WHRN: variants seen among roughly 807,000 people sequenced by gnomAD.
WHRN encodes CASK-interacting protein CIP98.
WHRN carries 41 observed loss-of-function variants against 68.3 expected under a neutral mutation model. That is an observed-to-expected ratio of 0.60 (90% CI 0.47 to 0.78). WHRN has a LOEUF of 0.78. Ranked by LOEUF, WHRN falls within the 30% of genes least tolerant of loss-of-function variation. The pLI is 0.00. For missense variants in WHRN, 1,243 were observed against 1,244.7 expected, an observed-to-expected ratio of 1.00 and a Z score of 0.02; for synonymous variants, 560 against 561.3, an observed-to-expected ratio of 1.00 and a Z score of 0.03.
intron 3 of WHRN, among the ~76,000 whole-genome samples, chr9:114,438,900 T>C (rs758803097): frequency 3.9e-5 from 6 of 152,144 alleles, no homozygotes; most frequent in Non-Finnish European, 5.9e-5. Context: ...AACGGTTGGA[T>C]AACGTATGGT....
At chr9:114,460,626 C>A (rs1018203564) in intron 3 of WHRN, among the ~76,000 whole-genome samples, 1 of 152,136 alleles carries the variant, frequency 6.6e-6, no homozygotes, top group Non-Finnish European at 1.5e-5. Flanking sequence ...GGGAAGGTGC[C>A]AAGTTCCATG....
intron 4 of WHRN, chr9:114,425,965 G>A (rs570126936): frequency 1.7e-5 from 10 of 585,204 alleles, no homozygotes; most frequent in Non-Finnish European, 3.1e-5. Context: ...TATAGAATGA[G>A]TTAAGTAATT....
At chr9:114,456,299 G>A (rs1839789826) in intron 3 of WHRN, among the ~76,000 whole-genome samples, 3 of 152,178 alleles carry the variant, frequency 2.0e-5, no homozygotes, top group African/African-American at 2.4e-5. Context: ...ATGTGTATGG[G>A]AGGGGGCACG....
rs752659496 is a variant in WHRN, at chr9:114,423,343, C to T, written c.1597G>A (p.Gly533Ser). Reference protein sequence around the residue: ...SDTGSSTGSHGTSTTVSSARN... With the variant: ...SDTGSSTGSHSTSTTVSSARN... ...GCCGAGCTGACGGTGGTGGAGGTGC[C>T]GTGGCTGCCTGTGGATGAACCCGTG... The change falls in exon 7 of 12, where the codon GGC (glycine) becomes AGC (serine). Residue 533 changes from glycine (G) to serine (S), a missense_variant. Coordinates refer to ENST00000362057, the MANE Select transcript of WHRN (RefSeq NM_015404.4). 3.6e-5 allele frequency: 58 copies of T among 1,613,938 alleles called. No individual in the cohort carries two copies. Among genetic ancestry groups the T allele is most frequent in the South Asian group, 8.8e-5 (8 of 91,080 alleles).
At chr9:114,402,980 C>T (rs1468892874) in intron 11 of WHRN, 44 bp from the exon 12 acceptor site, 2 of 1,583,706 alleles carry the variant, frequency 1.3e-6, no homozygotes, top group East Asian at 2.3e-5. Context: ...AAGGGTTAGA[C>T]AGGCCTGGCT....
chr9:114,426,511 TG>T, intron 3 of WHRN, 98 bp from the exon 4 acceptor site: 1 of 1,408,332 alleles, frequency 7.1e-7, no homozygotes, highest in Non-Finnish European at 1.0e-6. Flanking sequence ...TGGGCCAGCC[TG>T]TCAAGGAGGT....
intron 1 of WHRN, among the ~76,000 whole-genome samples, chr9:114,493,319 C>T (rs1341590550): frequency 7.3e-6 from 1 of 136,510 alleles, no homozygotes; most frequent in African/African-American, 2.8e-5. Context: ...CCACTGCACT[C>T]CAGCCTGGCC....
chr9:114,405,188 C>T (rs978954594), intron 9 of WHRN, among the ~76,000 whole-genome samples: 1 of 151,328 alleles, frequency 6.6e-6, no homozygotes, highest in African/African-American at 2.4e-5. Context: ...GGTCCTCCCA[C>T]CTCAGCCTTC....
chr9:114,436,230 G>A (rs548646154), intron 3 of WHRN, among the ~76,000 whole-genome samples: 107 of 152,332 alleles, frequency 7.0e-4, no homozygotes, highest in African/African-American at 2.1e-3. Flanking sequence ...AGGGAAGGAT[G>A]AGAAGTAGAG....
chr9:114,452,945 C>T (rs552086087), intron 3 of WHRN, among the ~76,000 whole-genome samples: 14 of 152,340 alleles, frequency 9.2e-5, no homozygotes, highest in African/African-American at 3.4e-4. Flanking sequence ...GCTTTGTCTG[C>T]TGATTCCATC....
chr9:114,405,469 A>C (rs1834962190), intron 9 of WHRN, among the ~76,000 whole-genome samples: 1 of 152,212 alleles, frequency 6.6e-6, no homozygotes, highest in African/African-American at 2.4e-5. Flanking sequence ...GGATTAAATG[A>C]GTTAATACTA....
chr9:114,417,856 C>T (rs1835930151), intron 7 of WHRN, among the ~76,000 whole-genome samples: 1 of 152,192 alleles, frequency 6.6e-6, no homozygotes, highest in African/African-American at 2.4e-5. Flanking sequence ...CTGTGCCTCC[C>T]CCAAATATTT....
chr9:114,459,428 A>T (rs938803873), intron 3 of WHRN, among the ~76,000 whole-genome samples: 1 of 151,434 alleles, frequency 6.6e-6, no homozygotes, highest in African/African-American at 2.4e-5. Flanking sequence ...ATGCCACTAC[A>T]CTCCAGCCTG....
intron 1 of WHRN, among the ~76,000 whole-genome samples, chr9:114,487,605 T>C (rs1279660995): frequency 1.3e-5 from 2 of 152,194 alleles, no homozygotes; most frequent in African/African-American, 2.4e-5. Context: ...ATGAACATCC[T>C]TGTATGTGCC....
chr9:114,406,143 AG>A (rs1203615778), intron 9 of WHRN, among the ~76,000 whole-genome samples: 1 of 152,244 alleles, frequency 6.6e-6, no homozygotes, highest in African/African-American at 2.4e-5. Context: ...TGATGGGGAA[AG>A]CAAGGTGTAG....
chr9:114,426,625 C>T (rs1836890170), intron 3 of WHRN, among the ~76,000 whole-genome samples: 1 of 152,166 alleles, frequency 6.6e-6, no homozygotes, highest in Admixed American at 6.5e-5. Flanking sequence ...CTCTTGTCAT[C>T]AAAAGGGGGC....
In WHRN at chr9:114,404,087, G is replaced by A. The variant is rs200131193; in HGVS notation, c.2237-10C>T. On this transcript the variant is annotated splice_polypyrimidine_tract_variant and intron_variant, in intron 9 of 11. Transcript: ENST00000362057. ...GAGAGCGTAGAGGCTGCTGGAGAGGGGAAAAGGAAGAGAGAAGCAGCTTAT... is the reference window on the plus strand; with the variant it reads ...GAGAGCGTAGAGGCTGCTGGAGAGGAGAAAAGGAAGAGAGAAGCAGCTTAT... 2.5e-6 allele frequency: 4 copies of A among 1,611,878 alleles called. No homozygotes were observed. The Middle Eastern group carries it at 4.9e-4, about 199-fold the overall frequency.
At chr9:114,451,610 C>T (rs940215789) in intron 3 of WHRN, among the ~76,000 whole-genome samples, 1 of 152,038 alleles carries the variant, frequency 6.6e-6, no homozygotes, top group Admixed American at 6.5e-5. Flanking sequence ...TCGCTCCTCC[C>T]TAATTTTCAC....
intron 3 of WHRN, among the ~76,000 whole-genome samples, chr9:114,457,885 C>A (rs1839938086): frequency 6.7e-6 from 1 of 148,500 alleles, no homozygotes. Context: ...CGCTGCACTC[C>A]AGCCTGGGCA....
Sources: gnomAD v4.1 joint callset for allele counts (sites outside exome capture counted in the v4.1 genomes callset) on GRCh38, gnomAD v4.1.1 for gene constraint, MANE v1.5 for transcripts, NCBI Gene and HGNC (gene_info 2026-07-23, HGNC 2026-07-21) for gene names.